Variants in CHD1L observed in about 807,000 individuals in gnomAD.
CHD1L encodes the protein ATP-dependent chromatin remodeler CHD1L.
In CHD1L, 118 loss-of-function variants were observed where a neutral mutation model predicts 115.9. That is an observed-to-expected ratio of 1.02 (90% CI 0.88 to 1.19). The LOEUF (loss-of-function observed/expected upper bound fraction) is 1.19, where lower values mean the gene tolerates loss of function less well. CHD1L is among the 50% of genes most tolerant of loss of function. CHD1L has a pLI of 0.00. For synonymous variants in CHD1L, 411 were observed against 387.1 expected, an observed-to-expected ratio of 1.06 and a Z score of -0.72; for missense variants, 1,179 against 1,065.3, an observed-to-expected ratio of 1.11 and a Z score of -1.49.
the CHD1L span, chr1:147,203,231 A>G: frequency 9.8e-7 from 1 of 1,019,718 alleles, no homozygotes; most frequent in Admixed American, 2.1e-5. Context: ...TTAGAATACT[A>G]CTACAAATAC....
At chr1:147,249,694 G>A (rs781905299) in intron 1 of CHD1L, among the ~76,000 whole-genome samples, 7 of 152,220 alleles carry the variant, frequency 4.6e-5, no homozygotes, top group East Asian at 1.9e-4. Context: ...GTGAGCCACC[G>A]CGCCCGGCAA....
At chr1:147,238,754 C>A (rs1553930265), upstream of CHD1L, among the ~76,000 whole-genome samples, 4 of 152,166 alleles carry the variant, frequency 2.6e-5, no homozygotes, top group African/African-American at 9.7e-5. Flanking sequence ...TCCACAGGCA[C>A]CTCATTCAAA....
chr1:147,198,872 A>G, the CHD1L span, among the ~76,000 whole-genome samples: 5,823 of 144,334 alleles, frequency 0.04, 141 homozygotes, highest in African/African-American at 0.055. Context: ...AAAAAAAAAA[A>G]AAAGAAAGAA....
At chr1:147,208,793 A>T in the CHD1L span, 4 of 1,418,480 alleles carry the variant, frequency 2.8e-6, no homozygotes, top group Middle Eastern at 3.5e-4. Flanking sequence ...AGCCAGTGTG[A>T]AGAGTCCTTA....
At chr1:147,208,490 A>C in the CHD1L span, 8 of 139,986 alleles carry the variant, frequency 5.7e-5, no homozygotes, top group African/African-American at 1.9e-4. Context: ...CCCAGGCTGG[A>C]GTGCAGTGGT....
At chr1:147,225,146 TA>T in the CHD1L span, 1 of 1,561,502 alleles carries the variant, frequency 6.4e-7, no homozygotes, top group Non-Finnish European at 8.6e-7. Flanking sequence ...GGCATTCGAA[TA>T]AATTCTGTAC....
chr1:147,268,537 G>A (rs1221216470), intron 9 of CHD1L, among the ~76,000 whole-genome samples: 1 of 152,052 alleles, frequency 6.6e-6, no homozygotes, highest in Admixed American at 6.5e-5. Context: ...TTCAGTTTTG[G>A]GTCTCCTTGA....
Position 147,286,484 on chromosome 1 carries a change from CATT to C in CHD1L, c.2206_2208del (p.Ile736del). ...CTCAGGCTGGGGCCGAGGATGCTCT[CATT>C]GTGCACTGCGTAGGTACGAGAAGTG... On this transcript the variant is annotated inframe_deletion, in exon 18 of 23. Transcript: ENST00000369258. 6.2e-7 allele frequency: 1 copy of C among 1,613,770 alleles called. No homozygotes were observed. Among genetic ancestry groups the C allele is most frequent in the East Asian group, 2.2e-5 (1 of 44,878 alleles).
chr1:147,267,634 C>T, intron 9 of CHD1L, 116 bp downstream of exon 9: 1 of 741,236 alleles, frequency 1.3e-6, no homozygotes. Flanking sequence ...TGTTTATTCT[C>T]AATTTCTCTG....
rs781859702 is a variant in CHD1L at position 147,287,715 on chromosome 1, C to T, written c.2302C>T (p.Leu768=). The T allele has an allele frequency of 6.2e-7, 1 of 1,613,790 alleles. No individual in the cohort carries two copies. The highest frequency in any genetic ancestry group is 2.2e-5 in the East Asian group (1 of 44,868). ...CGCTGAGCCAAGAAAAATATATGAG[C>T]TGGCTGGGAAAATGAAAGGTAAGAA... is the stretch of plus-strand genomic sequence containing the variant. ...RSAEPRKIYE[L]AGKMKDLSLG... The change falls in exon 19 of 23, where the codon CTG becomes TTG. Residue 768 remains leucine (L), a synonymous_variant. Coordinates refer to ENST00000369258, the MANE Select transcript of CHD1L (RefSeq NM_004284.6).
intron 1 of CHD1L, among the ~76,000 whole-genome samples, chr1:147,251,917 G>A (rs1346267176): frequency 1.3e-5 from 2 of 152,128 alleles, no homozygotes; most frequent in African/African-American, 4.8e-5. Flanking sequence ...GTATTTTGAA[G>A]ATTTTTTTAA....
chr1:147,268,881 A>G lies in CHD1L; in HGVS notation c.1085+3A>G. ...CTACTAGCATTCCTGTATTCTGGGT[A>G]GGTGGTAGGTTCACATTTGCTGCTC... is the stretch of plus-strand genomic sequence containing the variant. On this transcript the variant is annotated splice_donor_region_variant and intron_variant, in intron 10 of 22. Coordinates refer to ENST00000369258, the MANE Select transcript of CHD1L (RefSeq NM_004284.6). 1 of 1,608,274 alleles carries G rather than the reference A, an allele frequency of 6.2e-7. No homozygotes were observed. The highest frequency in any genetic ancestry group is 8.5e-7 in the Non-Finnish European group (1 of 1,175,364).
intron 2 of CHD1L, among the ~76,000 whole-genome samples, chr1:147,254,412 G>A (rs1553938424): frequency 6.6e-6 from 1 of 152,086 alleles, no homozygotes; most frequent in Non-Finnish European, 1.5e-5. Flanking sequence ...GAGGAAGTGA[G>A]GGAGGAAGGA....
chr1:147,191,369 C>T, the CHD1L span, among the ~76,000 whole-genome samples: 7 of 151,992 alleles, frequency 4.6e-5, no homozygotes, highest in Non-Finnish European at 7.4e-5. Flanking sequence ...TTTTAATGAT[C>T]GCCATTCTAA....
Position 147,267,454 on chromosome 1 carries a change from A to G in CHD1L, c.924A>G (p.Lys308=), listed in dbSNP as rs782795335. ...CATTTGAAAATGAGACGGCAAAGAA[A>G]GTTAAACTACAGAACATTTTGTCCC... The part of the protein sequence containing the change: ...LDAFENETAK[K]VKLQNILSQL... Residue 308 remains lysine, a synonymous_variant, in exon 9 of 23, where the codon AAA becomes AAG. Transcript: ENST00000369258. The G allele has an allele frequency of 1.4e-5, 23 of 1,612,978 alleles. No individual in the cohort carries two copies. Among genetic ancestry groups the G allele is most frequent in the Non-Finnish European group, 1.8e-5 (21 of 1,179,502 alleles).
Position 147,255,883 on chromosome 1 carries a change from C to T in CHD1L, c.418C>T (p.Leu140=). 6.2e-7 allele frequency: 1 copy of T among 1,613,828 alleles called. No homozygotes were observed. The highest frequency in any genetic ancestry group is 1.3e-5 in the African/African-American group (1 of 75,024). ...GGAAAGAGCCTGCCTTCAGCAAGAC[C>T]TGAAACAGGAGTCACGTTTTCATGT... The part of the protein sequence containing the change: ...KEERACLQQD[L]KQESRFHVLL... Residue 140 remains leucine (L), a synonymous_variant, in exon 4 of 23, where the codon CTG becomes TTG. Transcript: ENST00000369258.
At chr1:147,290,911 C>T (rs587772212) in intron 19 of CHD1L, among the ~76,000 whole-genome samples, 21 of 152,250 alleles carry the variant, frequency 1.4e-4, no homozygotes, top group African/African-American at 5.1e-4. Context: ...CCTCAGCCTC[C>T]CAAAGCACTG....
chr1:147,224,879 T>A, the CHD1L span: 1 of 1,612,570 alleles, frequency 6.2e-7, no homozygotes. Context: ...ATTAAGGGAC[T>A]AGGAGATGTA....
the CHD1L span, among the ~76,000 whole-genome samples, chr1:147,198,908 A>G: frequency 6.7e-6 from 1 of 149,868 alleles, no homozygotes. Context: ...TGGAGGTTGT[A>G]TCCAATTTGT....
Sources: allele counts gnomAD v4.1 joint callset (sites outside exome capture counted in the v4.1 genomes callset), GRCh38; gene constraint gnomAD v4.1.1; transcripts MANE v1.5; gene names NCBI Gene and HGNC (gene_info 2026-07-23, HGNC 2026-07-21).